CCDC39: variants seen among roughly 807,000 people sequenced by gnomAD.
The protein encoded by CCDC39 is coiled-coil domain-containing protein 39.
In CCDC39, 113 loss-of-function variants were observed where a neutral mutation model predicts 121.0. The ratio of observed to expected loss-of-function variants is 0.93; its 90% CI spans 0.80 to 1.09. The LOEUF is 1.09. Among genes scored for constraint, CCDC39 ranks in the 50% least tolerant of loss-of-function variants. The probability of loss-of-function intolerance (pLI) is 0.00; values close to 1 mark genes in which losing one functional copy is unlikely to be tolerated. For missense variants in CCDC39, 1,063 were observed against 1,074.7 expected (o/e 0.99, Z 0.15); for synonymous variants, 349 against 352.2 (o/e 0.99, Z 0.10).
In CCDC39 at chr3:180,644,221, TTTTACTATGTG is replaced by T; in HGVS notation, c.1553_1563del (p.Ala518GlufsTer3). The stretch of plus-strand genomic sequence containing the variant: ...ATAAGGGACTGTTTTTCATCACTGT[TTTTACTATGTG>T]CCTTCTTGATAAAATAAAGATCATT... On this transcript the variant is annotated frameshift_variant, in exon 12 of 20. Coordinates refer to ENST00000476379, the MANE Select transcript of CCDC39 (RefSeq NM_181426.2). LOFTEE classifies it high-confidence loss of function. 1 of 1,537,756 alleles carries T rather than the reference TTTTACTATGTG, an allele frequency of 6.5e-7. No individual in the cohort carries two copies.
intron 1 of CCDC39, among the ~76,000 whole-genome samples, chr3:180,669,024 T>C: frequency 6.6e-6 from 1 of 152,230 alleles, no homozygotes. Context: ...AAATTTGTAA[T>C]GCACATGAAA....
At position 180,644,181 on chromosome 3, in the gene CCDC39, T is replaced by G. The variant is rs1485133166; in HGVS notation, c.1604A>C (p.Glu535Ala). 6.5e-7 allele frequency: 1 copy of G among 1,546,058 alleles called. No homozygotes were observed. The highest frequency in any genetic ancestry group is 8.7e-7 in the Non-Finnish European group (1 of 1,144,554). ...EKQSLMTKINELNLFIDRSEK... is the reference protein window; with the variant it reads ...EKQSLMTKINALNLFIDRSEK... ...TGATCTGTCGATGAAAAGGTTTAGT[T>G]CATTTATTTTGGTCATAAGGGACTG... Residue 535 changes from glutamate (E) to alanine (A), a missense_variant, in exon 12 of 20, where the codon GAA becomes GCA. Glu to Ala is a moderately radical substitution (Grantham distance 107). Transcript: ENST00000476379.
chr3:180,653,444 G>A (rs1384692590), intron 7 of CCDC39, among the ~76,000 whole-genome samples: 1 of 151,990 alleles, frequency 6.6e-6, no homozygotes, highest in Admixed American at 6.6e-5. Context: ...ATCTGTCATA[G>A]CCTGTATATA....
chr3:180,643,152 G>T (rs1414812826), intron 12 of CCDC39, among the ~76,000 whole-genome samples: 2 of 151,940 alleles, frequency 1.3e-5, no homozygotes, highest in East Asian at 1.9e-4. Flanking sequence ...GTAGAGATGG[G>T]GTTTCACCAT....
chr3:180,639,555 C>T (rs560764811), intron 13 of CCDC39, among the ~76,000 whole-genome samples: 60 of 152,136 alleles, frequency 3.9e-4, no homozygotes, highest in African/African-American at 1.3e-3. Context: ...TATGTTCTCG[C>T]TTATAAGCAG....
intron 13 of CCDC39, among the ~76,000 whole-genome samples, chr3:180,636,814 A>G (rs1427022863): frequency 1.3e-5 from 2 of 149,118 alleles, no homozygotes; most frequent in Non-Finnish European, 3.0e-5. Flanking sequence ...AAACTGAGAA[A>G]AACTATCAGT....
intron 3 of CCDC39, 102 bp from the exon 4 acceptor site, chr3:180,660,830 A>G (rs527653213): frequency 9.9e-5 from 97 of 982,158 alleles, no homozygotes; most frequent in Non-Finnish European, 1.4e-4. Context: ...CAAAATTAAA[A>G]ATGAGGAAAT....
chr3:180,646,713 T>G (rs779709563), intron 11 of CCDC39, among the ~76,000 whole-genome samples: 1 of 152,084 alleles, frequency 6.6e-6, no homozygotes, highest in Non-Finnish European at 1.5e-5. Flanking sequence ...CAGTGTACTC[T>G]TGAAGAGTAT....
chr3:180,638,319 A>G (rs1026123490), intron 13 of CCDC39, among the ~76,000 whole-genome samples: 2 of 152,188 alleles, frequency 1.3e-5, no homozygotes, highest in East Asian at 1.9e-4. Context: ...ACAATGTTTT[A>G]CAATGTTCTG....
At chr3:180,673,391 C>A (rs1247531124) in intron 1 of CCDC39, among the ~76,000 whole-genome samples, 1 of 152,196 alleles carries the variant, frequency 6.6e-6, no homozygotes, top group Non-Finnish European at 1.5e-5. Flanking sequence ...CTTCAGCCAC[C>A]ACCTTGATCA....
At chr3:180,625,937 T>C (rs952165879) in intron 14 of CCDC39, among the ~76,000 whole-genome samples, 4 of 151,988 alleles carry the variant, frequency 2.6e-5, no homozygotes, top group African/African-American at 9.7e-5. Flanking sequence ...TAGTGGATCC[T>C]GGAAGGCTGA....
chr3:180,633,773 C>A (rs1443447640), intron 13 of CCDC39, among the ~76,000 whole-genome samples: 1 of 152,044 alleles, frequency 6.6e-6, no homozygotes. Flanking sequence ...AATGAAATAA[C>A]TAAAATAGAC....
In CCDC39 at chr3:180,647,310, A is replaced by G. The variant is rs575090432; in HGVS notation, c.1363-67T>C. Reference sequence around the variant, plus strand: ...AAAGCATTTCTACAAGTGTAAAAACAAAGTGAATACTTTCTTATGACTTTG... The same window carrying G: ...AAAGCATTTCTACAAGTGTAAAAACGAAGTGAATACTTTCTTATGACTTTG... On this transcript the variant is annotated intron_variant, in intron 10 of 19. Coordinates refer to ENST00000476379, the MANE Select transcript of CCDC39 (RefSeq NM_181426.2). The G allele has an allele frequency of 4.8e-5, 65 of 1,349,758 alleles. No individual in the cohort carries two copies. In the Admixed American group the frequency reaches 1.3e-3, roughly 26 times the overall value. 83.6% of individuals were successfully genotyped at this position (1,349,758 alleles called of 1,614,324 possible).
rs201582336 is a variant in CCDC39 at position 180,620,570 on chromosome 3, T to TAG, written c.1999-602_1999-601dup. On this transcript the variant is annotated intron_variant, in intron 14 of 19. Coordinates refer to ENST00000476379, the MANE Select transcript of CCDC39 (RefSeq NM_181426.2). ...GCTGTCACTGGGCTAAGCGGTTCTC[T>TAG]AGAGCTGTACCTAAACAATTCCAAA... 1.6e-3 allele frequency among the ~76,000 whole-genome samples: 250 copies of TAG among 152,096 alleles called. 3 individuals are homozygous for TAG. The East Asian group carries it at 0.045, about 27-fold the overall frequency.
chr3:180,651,334 G>A (rs1483094625), intron 9 of CCDC39, 67 bp downstream of exon 9: 4 of 1,293,758 alleles, frequency 3.1e-6, no homozygotes, highest in African/African-American at 1.5e-5. Flanking sequence ...TCTGATCCTA[G>A]GAGTCTAATT....
rs1368625808 is a variant in CCDC39, at chr3:180,679,393, A to G, written c.-13T>C. The G allele has an allele frequency of 1.2e-6, 2 of 1,611,358 alleles. No homozygotes were observed. ...ATTCGCTACTCATGACTGCAAACGG[A>G]TAGAGAAGATACAGAGCAAAGATCC... On this transcript the variant is annotated 5_prime_UTR_variant, in exon 1 of 20. Coordinates refer to ENST00000476379, the MANE Select transcript of CCDC39 (RefSeq NM_181426.2). The surrounding 1 kb of genome is among the most constrained non-coding windows in gnomAD (Gnocchi z 4.0).
At chr3:180,618,574 C>G (rs1385066316) in intron 16 of CCDC39, among the ~76,000 whole-genome samples, 1 of 152,090 alleles carries the variant, frequency 6.6e-6, no homozygotes, top group East Asian at 1.9e-4. Context: ...CACCCCACAA[C>G]AGGCCCCAGT....
At chr3:180,640,673 G>A (rs1717934256) in intron 13 of CCDC39, among the ~76,000 whole-genome samples, 1 of 151,702 alleles carries the variant, frequency 6.6e-6, no homozygotes, top group South Asian at 2.1e-4. Context: ...TTTGAAATTT[G>A]GATAAATATA....
chr3:180,631,381 G>T (rs537014622), intron 14 of CCDC39, 88 bp downstream of exon 14: 6 of 1,263,286 alleles, frequency 4.7e-6, no homozygotes, highest in Non-Finnish European at 6.6e-6. Flanking sequence ...CAATATTGTT[G>T]TTTTTTTATT....
Sources: gnomAD v4.1 joint callset for allele counts (sites outside exome capture counted in the v4.1 genomes callset) on GRCh38, gnomAD v4.1.1 for gene constraint, Gnocchi (gnomAD v3.1) non-coding constraint, MANE v1.5 for transcripts, NCBI Gene and HGNC (gene_info 2026-07-23, HGNC 2026-07-21) for gene names.